Variants in MUC5B observed in about 807,000 individuals in gnomAD.
MUC5B encodes mucin 5B, oligomeric mucus/gel-forming.
In MUC5B, 116 loss-of-function variants were observed where a neutral mutation model predicts 376.9. The observed-to-expected ratio is 0.31, with a 90% CI of 0.26 to 0.36. The LOEUF (loss-of-function observed/expected upper bound fraction) is 0.36. Ranked by LOEUF, MUC5B falls within the 10% of genes least tolerant of loss-of-function variation. The probability of loss-of-function intolerance (pLI) is 1.00; values close to 1 mark genes in which losing one functional copy is unlikely to be tolerated. For synonymous variants in MUC5B, 3,517 were observed against 3,390.9 expected, an observed-to-expected ratio of 1.04 and a Z score of -1.29; for missense variants, 7,165 against 7,769.9, an observed-to-expected ratio of 0.92 and a Z score of 2.93.
At chr11:1,259,920 A>T in intron 45 of MUC5B, 43 bp from the exon 46 acceptor site, 1 of 1,612,580 alleles carries the variant, frequency 6.2e-7, no homozygotes, top group African/African-American at 1.3e-5. Flanking sequence ...TCTGCACAAG[A>T]GGTAATCCCT....
Position 1,240,877 on chromosome 11 carries a change from T to A in MUC5B, c.3997T>A (p.Cys1333Ser). ...TSPALPVSTV[C>S]VREVCRWSSW... ...CCCGGCCCTCCCGGTCTCCACCGTG[T>A]GTGTCCGCGAGGTCTGCCGCTGGTC... The change falls in exon 31 of 49, where the codon TGT becomes AGT. Residue 1333 changes from cysteine (C) to serine (S), a missense_variant. Transcript: ENST00000529681. The A allele has an allele frequency of 6.2e-7, 1 of 1,611,546 alleles. No individual in the cohort carries two copies. Among genetic ancestry groups the A allele is most frequent in the Non-Finnish European group, 8.5e-7 (1 of 1,179,538 alleles).
chr11:1,227,446 C>G (rs375413595), intron 6 of MUC5B, 48 bp downstream of exon 6: 1 of 1,437,728 alleles, frequency 7.0e-7, no homozygotes, highest in African/African-American at 1.4e-5. Flanking sequence ...TGTCGGCCAA[C>G]GAAGAGCCAC....
In MUC5B at chr11:1,257,949, G is replaced by A. The variant is rs1862888681; in HGVS notation, c.16451-150G>A. The A allele has an allele frequency of 4.3e-6, 4 of 927,122 alleles. No individual in the cohort carries two copies. Among genetic ancestry groups the A allele is most frequent in the Non-Finnish European group, 6.5e-6 (4 of 619,370 alleles). 57.4% of individuals were successfully genotyped at this position (927,122 alleles called of 1,614,324 possible). On this transcript the variant is annotated intron_variant, in intron 41 of 48. Coordinates refer to ENST00000529681, the MANE Select transcript of MUC5B (RefSeq NM_002458.3). This position sits in a 1 kb window ranked among gnomAD's most constrained non-coding sequence, Gnocchi z 8.9. ...CCAGGGACGTGGGAAGCAGCGGGGA[G>A]GTGGCCAAGCAAGGGGCCTGGAGGG...
chr11:1,254,425 G>A, intron 34 of MUC5B, 74 bp downstream of exon 34: 1 of 1,556,322 alleles, frequency 6.4e-7, no homozygotes, highest in Non-Finnish European at 8.7e-7. Flanking sequence ...TGCAGGCCGG[G>A]GTGACCCAGG....
chr11:1,230,354 T>G (rs967601696), intron 11 of MUC5B, 136 bp from the exon 12 acceptor site: 2 of 1,089,676 alleles, frequency 1.8e-6, no homozygotes, highest in Admixed American at 2.6e-5. Flanking sequence ...GACAAGCTGC[T>G]GGGAGGTGAC....
intron 23 of MUC5B, 69 bp downstream of exon 23, chr11:1,235,482 G>T (rs773261913): frequency 8.1e-6 from 11 of 1,361,494 alleles, no homozygotes; most frequent in Non-Finnish European, 1.0e-5. Flanking sequence ...GGGAAGCTTC[G>T]TGAGGCTTTA....
chr11:1,233,654 C>G (rs1862086080), intron 18 of MUC5B, 139 bp from the exon 19 acceptor site: 1 of 807,992 alleles, frequency 1.2e-6, no homozygotes, highest in Admixed American at 2.1e-5. Context: ...CCAGCAAACA[C>G]AGCAGCAGGC....
intron 6 of MUC5B, 123 bp from the exon 7 acceptor site, chr11:1,227,552 C>A: frequency 1.5e-6 from 1 of 683,814 alleles, no homozygotes. Context: ...AGGAGTGCCC[C>A]TCGGGGGTGT....
At position 1,226,760 on chromosome 11, in the gene MUC5B, C is replaced by T. The variant is rs370501363; in HGVS notation, c.345C>T (p.Asn115=). 2.1e-5 allele frequency: 34 copies of T among 1,612,572 alleles called. No homozygotes were observed. In the African/African-American group the frequency reaches 2.8e-4, roughly 13 times the overall value. ...EHCRAAYEDF[N]VQLRRGLVGS... is the part of the protein sequence containing the mutation. ...GCCGCGCCGCCTACGAGGACTTCAA[C>T]GTCCAGCTACGCCGAGGCCTAGTGG... The change falls in exon 4 of 49, where the codon AAC becomes AAT. Residue 115 remains asparagine (N), a synonymous_variant. Coordinates refer to ENST00000529681, the MANE Select transcript of MUC5B (RefSeq NM_002458.3).
At chr11:1,233,691 C>A in intron 18 of MUC5B, 102 bp from the exon 19 acceptor site, 1 of 1,178,636 alleles carries the variant, frequency 8.5e-7, no homozygotes, top group Non-Finnish European at 1.2e-6. Context: ...AGGAGGTGGC[C>A]AGGCTGGGGA....
At position 1,229,302 on chromosome 11, in the gene MUC5B, C is replaced by G. The variant is rs2133808445; in HGVS notation, c.1102+7C>G. ...GGCTGCTTCTGCCCCCCAGGCAGGT[C>G]TTGTGTGCCCTGAACCCCTCAGGGG... On this transcript the variant is annotated splice_region_variant and intron_variant, in intron 9 of 48. Coordinates refer to ENST00000529681, the MANE Select transcript of MUC5B (RefSeq NM_002458.3). The G allele has an allele frequency of 1.9e-6, 3 of 1,562,546 alleles. No homozygotes were observed. The highest frequency in any genetic ancestry group is 1.7e-6 in the Non-Finnish European group (2 of 1,158,672).
chr11:1,242,389 G>A lies in MUC5B; in HGVS notation c.5509G>A (p.Glu1837Lys), dbSNP rs781636184. 52 of 1,613,880 alleles carry A rather than the reference G, an allele frequency of 3.2e-5. No homozygotes were observed. The Admixed American group carries it at 5.2e-4, about 16-fold the overall frequency. The change falls in exon 31 of 49, where the codon GAG becomes AAG. Residue 1837 changes from glutamate to lysine, a missense_variant. Glu to Lys is a moderately conservative substitution (Grantham distance 56). Transcript: ENST00000529681. ...AGAGTGCCGGGCGGAGAACTACCCC[G>A]AGGTAAGCATCGACCAGGTCGGGCA... ...SIECRAENYP[E>K]VSIDQVGQVL...
rs1259597289 is a variant in MUC5B at position 1,246,369 on chromosome 11, C to A, written c.9489C>A (p.Ile3163=). ...CCTCCACCCCAGGGACCACCTGGAT[C>A]CTCACAGAGCCCAGCACTACAGCCA... ...TPSSTPGTTW[I]LTEPSTTATV... Residue 3163 remains isoleucine, a synonymous_variant, in exon 31 of 49, where the codon ATC becomes ATA. Transcript: ENST00000529681. The A allele has an allele frequency of 1.9e-6, 3 of 1,613,366 alleles. No individual in the cohort carries two copies. In the South Asian group the frequency reaches 3.3e-5, roughly 18 times the overall value.
At position 1,246,926 on chromosome 11, in the gene MUC5B, C is replaced by A. The variant is rs1862492337; in HGVS notation, c.10046C>A (p.Pro3349His). The A allele has an allele frequency of 3.1e-6, 5 of 1,610,346 alleles. No individual in the cohort carries two copies. The Admixed American group carries it at 6.7e-5, about 22-fold the overall frequency. The change falls in exon 31 of 49, where the codon CCC becomes CAC. Residue 3349 changes from proline to histidine, a missense_variant. Coordinates refer to ENST00000529681, the MANE Select transcript of MUC5B (RefSeq NM_002458.3). ...TPTTRGSTVT[P>H]SSIPGTTHTA... ...ACAACCAGAGGCTCCACGGTGACCC[C>A]CTCCTCCATCCCGGGGACCACCCAC... is the stretch of plus-strand genomic sequence containing the variant.
In MUC5B at chr11:1,247,407, G is replaced by T. The variant is rs2943525; in HGVS notation, c.10527G>T (p.Leu3509=). Residue 3509 remains leucine, a synonymous_variant, in exon 31 of 49, where the codon CTG becomes CTT. Coordinates refer to ENST00000529681, the MANE Select transcript of MUC5B (RefSeq NM_002458.3). ...CCACCCAGCACTCGACTCCAGCCCTGTCCAGCCCTCACCCTAGCAGCAGGA... is the reference window on the plus strand; with the variant it reads ...CCACCCAGCACTCGACTCCAGCCCTTTCCAGCCCTCACCCTAGCAGCAGGA... ...TSTTQHSTPA[L]SSPHPSSRTT... 0.13 allele frequency: 210,134 copies of T among 1,562,312 alleles called. 16,776 individuals carry two copies. The highest frequency in any genetic ancestry group is 0.26 in the Admixed American group (15,266 of 57,892).
rs373789455 is a variant in MUC5B at position 1,229,694 on chromosome 11, G to C, written c.1107G>C (p.Thr369=). Residue 369 remains threonine, a synonymous_variant, in exon 10 of 49, where the codon ACG becomes ACC. Transcript: ENST00000529681. ...CVDGCFCPPG[T]VLDDITHSGC... ...GCCTCACGCCGCGCCCCACAGGCACGGTGCTGGATGACATCACGCACTCTG... is the reference window on the plus strand; with the variant it reads ...GCCTCACGCCGCGCCCCACAGGCACCGTGCTGGATGACATCACGCACTCTG... 6.4e-7 allele frequency: 1 copy of C among 1,572,318 alleles called. No homozygotes were observed. The highest frequency in any genetic ancestry group is 1.2e-5 in the South Asian group (1 of 86,378).
intron 23 of MUC5B, among the ~76,000 whole-genome samples, chr11:1,235,799 C>G (rs1235221736): frequency 6.6e-6 from 1 of 151,264 alleles, no homozygotes; most frequent in South Asian, 2.1e-4. Flanking sequence ...TTTAGGGCCC[C>G]CCCCCGCCCC....
In MUC5B at chr11:1,244,746, C is replaced by T; in HGVS notation, c.7866C>T (p.Ser2622=). The part of the protein sequence containing the change: ...TTTGFTATPS[S]SPGTARTLPV... The stretch of plus-strand genomic sequence containing the variant: ...CGGGCTTCACAGCCACCCCCTCCTC[C>T]AGCCCAGGGACGGCACGCACGCTTC... Residue 2622 remains serine, a synonymous_variant, in exon 31 of 49, where the codon TCC becomes TCT. Transcript: ENST00000529681. The T allele has an allele frequency of 2.5e-6, 4 of 1,612,416 alleles. No homozygotes were observed. The highest frequency in any genetic ancestry group is 3.4e-6 in the Non-Finnish European group (4 of 1,178,976).
intron 23 of MUC5B, 26 bp downstream of exon 23, chr11:1,235,439 C>A (rs558339558): frequency 1.3e-6 from 2 of 1,586,878 alleles, no homozygotes; most frequent in African/African-American, 1.3e-5. Flanking sequence ...GCTGTGAGCA[C>A]CCCCGACCCT....
Sources: allele counts gnomAD v4.1 joint callset (sites outside exome capture counted in the v4.1 genomes callset), GRCh38; gene constraint gnomAD v4.1.1; non-coding constraint Gnocchi (gnomAD v3.1); transcripts MANE v1.5; gene names NCBI Gene and HGNC (gene_info 2026-07-23, HGNC 2026-07-21).